UBASH3B: variants seen among roughly 807,000 people sequenced by gnomAD.
The protein encoded by UBASH3B is ubiquitin-associated and SH3 domain-containing protein B.
A neutral mutation model predicts 83.4 loss-of-function variants in UBASH3B; 37 were observed. The ratio of observed to expected loss-of-function variants is 0.44; its 90% CI spans 0.34 to 0.58. The LOEUF (loss-of-function observed/expected upper bound fraction) is 0.58. Ranked by LOEUF, UBASH3B falls within the 20% of genes least tolerant of loss-of-function variation. The pLI is 0.01. For synonymous variants in UBASH3B, 304 were observed against 318.3 expected (o/e 0.96, Z 0.48); for missense variants, 657 against 827.2 (o/e 0.79, Z 2.52).
intron 1 of UBASH3B, among the ~76,000 whole-genome samples, chr11:122,699,609 G>T (rs1864016260): frequency 2.4e-5 from 3 of 123,510 alleles, no homozygotes; most frequent in South Asian, 2.6e-4. Context: ...TTTGAAACAA[G>T]GTCTCCCTCT....
Position 122,656,096 on chromosome 11 carries a change from A to C in UBASH3B, c.47A>C (p.Glu16Ala). The C allele has an allele frequency of 1.2e-6, 2 of 1,602,212 alleles. No homozygotes were observed. The highest frequency in any genetic ancestry group is 1.7e-6 in the Non-Finnish European group (2 of 1,175,582). Residue 16 changes from glutamate to alanine, a missense_variant, in exon 1 of 14, where the codon GAG becomes GCG. This residue lies in a region of UBASH3B where 78 missense variants were observed against 68.4 expected (regional missense o/e 1.14). Transcript: ENST00000284273. Reference protein sequence around the residue: ...HPSPLGMAAREELYSKVTPRR... With the variant: ...HPSPLGMAARAELYSKVTPRR... ...AGTCCGCTCGGCATGGCTGCGAGAG[A>C]GGAGCTGTACAGCAAAGTCACCCCC...
intron 10 of UBASH3B, among the ~76,000 whole-genome samples, chr11:122,800,229 G>A (rs886398164): frequency 2.0e-5 from 3 of 152,106 alleles, no homozygotes; most frequent in Non-Finnish European, 4.4e-5. Flanking sequence ...GGCCATCATG[G>A]AATTTGCTTT....
chr11:122,700,427 GT>G (rs776742989), intron 1 of UBASH3B, among the ~76,000 whole-genome samples: 1 of 147,746 alleles, frequency 6.8e-6, no homozygotes, highest in African/African-American at 2.5e-5. Flanking sequence ...TACATCTTAA[GT>G]TTTTTTCACA....
intron 1 of UBASH3B, among the ~76,000 whole-genome samples, chr11:122,760,158 T>C (rs911707752): frequency 6.6e-6 from 1 of 152,322 alleles, no homozygotes; most frequent in Non-Finnish European, 1.5e-5. Context: ...CATGGTCTAT[T>C]GCAAAGACAG....
intron 1 of UBASH3B, among the ~76,000 whole-genome samples, chr11:122,710,023 G>A (rs945181347): frequency 1.3e-5 from 2 of 151,928 alleles, no homozygotes; most frequent in African/African-American, 4.8e-5. Context: ...AGGCATGGTG[G>A]CGGGCACCTA....
At chr11:122,808,297 T>C in intron 13 of UBASH3B, 121 bp downstream of exon 13, 1 of 839,174 alleles carries the variant, frequency 1.2e-6, no homozygotes, top group South Asian at 1.4e-5. Context: ...TATTCATTTA[T>C]TGCTTCACTC....
At chr11:122,682,698 C>G (rs1863757694) in intron 1 of UBASH3B, among the ~76,000 whole-genome samples, 1 of 152,140 alleles carries the variant, frequency 6.6e-6, no homozygotes, top group Non-Finnish European at 1.5e-5. Context: ...CTGCCTGTAG[C>G]TTCCCCTCCC....
chr11:122,711,107 T>C (rs1864185094), intron 1 of UBASH3B, among the ~76,000 whole-genome samples: 1 of 152,182 alleles, frequency 6.6e-6, no homozygotes. Context: ...CTCTCCTGAC[T>C]CTGTGCTTCA....
At chr11:122,693,626 A>T (rs1863924641) in intron 1 of UBASH3B, among the ~76,000 whole-genome samples, 1 of 151,916 alleles carries the variant, frequency 6.6e-6, no homozygotes, top group African/African-American at 2.4e-5. Flanking sequence ...TAATCCTGGC[A>T]CTTTGGGAGG....
intron 1 of UBASH3B, among the ~76,000 whole-genome samples, chr11:122,766,524 G>A (rs1363748079): frequency 3.9e-5 from 6 of 152,108 alleles, no homozygotes; most frequent in African/African-American, 7.2e-5. Flanking sequence ...CAGCCTGGGC[G>A]ACGGAGCCAG....
In UBASH3B at chr11:122,810,076, T is replaced by A. The variant is rs1470601289; in HGVS notation, c.*190T>A. 3 of 662,908 alleles carry A rather than the reference T, an allele frequency of 4.5e-6. No homozygotes were observed. Among genetic ancestry groups the A allele is most frequent in the African/African-American group, 1.8e-5 (1 of 54,754 alleles). The allele number at this position is 662,908 out of a possible 1,614,324, so 41.1% of individuals were successfully genotyped here. On this transcript the variant is annotated 3_prime_UTR_variant, in exon 14 of 14. Coordinates refer to ENST00000284273, the MANE Select transcript of UBASH3B (RefSeq NM_032873.5). Reference sequence around the variant, plus strand: ...AAAGACTTGATTCAGAGGAAAAAAATGTGTTCTCTCTGGACTCTTGCCTAG... The same window carrying A: ...AAAGACTTGATTCAGAGGAAAAAAAAGTGTTCTCTCTGGACTCTTGCCTAG...
chr11:122,728,347 C>CT (rs771863835), intron 1 of UBASH3B, among the ~76,000 whole-genome samples: 8 of 152,184 alleles, frequency 5.3e-5, no homozygotes, highest in Non-Finnish European at 8.8e-5. Context: ...ATCCTTCTGC[C>CT]TTTTCTTTGT....
intron 1 of UBASH3B, 120 bp downstream of exon 1, chr11:122,656,330 G>A (rs930755503): frequency 1.9e-6 from 2 of 1,068,740 alleles, no homozygotes; most frequent in African/African-American, 3.3e-5. Context: ...CGCTGCCCGA[G>A]ACCTGTTGGG....
intron 11 of UBASH3B, among the ~76,000 whole-genome samples, chr11:122,805,147 A>G (rs1861316204): frequency 6.6e-6 from 1 of 152,262 alleles, no homozygotes; most frequent in African/African-American, 2.4e-5. Context: ...CCTCACAATC[A>G]TGGCGGAAGG....
At chr11:122,790,058 C>T (rs979351241) in intron 6 of UBASH3B, among the ~76,000 whole-genome samples, 1 of 152,236 alleles carries the variant, frequency 6.6e-6, no homozygotes, top group African/African-American at 2.4e-5. Context: ...CACACTGGGG[C>T]ATCTAGCCAG....
At chr11:122,683,239 CA>C (rs59693425) in intron 1 of UBASH3B, among the ~76,000 whole-genome samples, 64,963 of 132,870 alleles carry the variant, frequency 0.49, 15,174 homozygotes, top group East Asian at 0.7. Flanking sequence ...GACCTTGTTT[CA>C]AAAAAAAAAA....
intron 12 of UBASH3B, among the ~76,000 whole-genome samples, chr11:122,807,463 G>A (rs1861361368): frequency 6.6e-6 from 1 of 152,164 alleles, no homozygotes; most frequent in Non-Finnish European, 1.5e-5. Flanking sequence ...TATGTAAGAT[G>A]TTACCATTGG....
At position 122,801,169 on chromosome 11, in the gene UBASH3B, A is replaced by T. The variant is rs373739666; in HGVS notation, c.1451-19A>T. The T allele has an allele frequency of 7.4e-6, 12 of 1,611,832 alleles. No individual in the cohort carries two copies. The highest frequency in any genetic ancestry group is 8.5e-6 in the Non-Finnish European group (10 of 1,179,220). The stretch of plus-strand genomic sequence containing the variant: ...ATCCACAGGCACTTTCTTCATCTTC[A>T]CTGTATTTTACCCCTAAGGTTTACA... On this transcript the variant is annotated intron_variant, in intron 10 of 13. Coordinates refer to ENST00000284273, the MANE Select transcript of UBASH3B (RefSeq NM_032873.5).
chr11:122,768,954 G>A (rs78689469), intron 1 of UBASH3B, among the ~76,000 whole-genome samples: 141 of 152,314 alleles, frequency 9.3e-4, no homozygotes, highest in African/African-American at 3.0e-3. Flanking sequence ...ACTGCTGGCC[G>A]TTCAGGGCAG....
Sources: gnomAD v4.1 joint callset for allele counts (sites outside exome capture counted in the v4.1 genomes callset) on GRCh38, gnomAD v4.1.1 for gene constraint, gnomAD v4.1.1 regional missense constraint, MANE v1.5 for transcripts, NCBI Gene and HGNC (gene_info 2026-07-23, HGNC 2026-07-21) for gene names.